The following TCFL5 variants were observed in gnomAD, a reference collection of about 807,000 sequenced individuals.
The protein encoded by TCFL5 is transcription factor-like 5 protein.
Under a neutral mutation model 44.3 loss-of-function variants are expected in TCFL5, and 9 were observed. The observed-to-expected ratio is 0.20, with a 90% CI of 0.12 to 0.35. TCFL5 has a LOEUF of 0.35. Among genes scored for constraint, TCFL5 ranks in the 10% least tolerant of loss-of-function variants. TCFL5 has a pLI of 1.00. For synonymous variants in TCFL5, 319 were observed against 271.6 expected (o/e 1.17, Z -1.72); for missense variants, 603 against 613.4 (o/e 0.98, Z 0.18).
chr20:62,846,220 C>A (rs985034163), intron 5 of TCFL5: 7 of 720,888 alleles, frequency 9.7e-6, no homozygotes, highest in African/African-American at 9.4e-5. Flanking sequence ...CATAACTAGG[C>A]GCTCGCAAGA....
At position 62,857,500 on chromosome 20, in the gene TCFL5, G is replaced by A. The variant is rs942269026; in HGVS notation, c.1133C>T (p.Ser378Phe). Residue 378 changes from serine to phenylalanine, a missense_variant, in exon 4 of 6, where the codon TCC becomes TTC. Around this residue, in one of 4 missense-constraint regions of TCFL5, gnomAD observed 540 missense variants for 478.7 expected, o/e 1.13. Transcript: ENST00000335351. ...CAGGTTTGCCTGTGAGGACTCCGAG[G>A]ACTGCCAAGCGCCTTGTGTGGCGGT... is the stretch of plus-strand genomic sequence containing the variant. ...GATATQGAWQ[S>F]SESSQANLGE... 1.9e-6 allele frequency: 3 copies of A among 1,614,128 alleles called. No individual in the cohort carries two copies. Among genetic ancestry groups the A allele is most frequent in the African/African-American group, 1.3e-5 (1 of 74,940 alleles).
At chr20:62,844,582 G>GTTTTTTTTTTTTT (rs745684819) in intron 5 of TCFL5, among the ~76,000 whole-genome samples, 6 of 120,558 alleles carry the variant, frequency 5.0e-5, no homozygotes, top group African/African-American at 2.2e-4. Context: ...TTTGTTTTTT[G>GTTTTTTTTTTTTT]TTTTTTTTTT....
In TCFL5 at chr20:62,860,214, C is replaced by G. The variant is rs753236418; in HGVS notation, c.742G>C (p.Ala248Pro). The G allele has an allele frequency of 1.9e-6, 3 of 1,613,800 alleles. No individual in the cohort carries two copies. The South Asian group carries it at 3.3e-5, about 18-fold the overall frequency. The change falls in exon 2 of 6, where the codon GCT becomes CCT. Residue 248 changes from alanine (A) to proline (P), a missense_variant. Ala to Pro is a conservative substitution (Grantham distance 27, BLOSUM62 -1). Transcript: ENST00000335351. ...CTALVKNKTA[A>P]TTTALQFTYP... ...GTAAATTGCAAAGCAGTAGTTGTAG[C>G]CGCAGTTTTATTTTTCACTAATGCT...
chr20:62,851,706 A>T (rs2063812518), intron 5 of TCFL5: 1 of 985,254 alleles, frequency 1.0e-6, no homozygotes, highest in Admixed American at 6.1e-5. Flanking sequence ...GACACAGAAA[A>T]GGGACAGAGA....
chr20:62,854,900 T>C (rs1654478824), intron 4 of TCFL5, among the ~76,000 whole-genome samples: 1 of 152,212 alleles, frequency 6.6e-6, no homozygotes. Context: ...CTAGGTGCTT[T>C]TGGACTTCTA....
intron 5 of TCFL5, among the ~76,000 whole-genome samples, chr20:62,844,589 T>TTTG (rs2063718843): frequency 6.6e-6 from 1 of 150,728 alleles, no homozygotes; most frequent in African/African-American, 2.5e-5. Context: ...TTTGTTTTTT[T>TTTG]TTTTTTGAGA....
intron 1 of TCFL5, among the ~76,000 whole-genome samples, chr20:62,860,714 G>C (rs1050375620): frequency 1.3e-5 from 2 of 152,322 alleles, no homozygotes; most frequent in Admixed American, 1.3e-4. Context: ...GCCTTCCTAG[G>C]CTTCCCTGAC....
intron 5 of TCFL5, among the ~76,000 whole-genome samples, chr20:62,848,197 G>A (rs549438620): frequency 1.3e-5 from 2 of 152,308 alleles, no homozygotes; most frequent in South Asian, 2.1e-4. Context: ...GATGCGAAGC[G>A]GGACTCAACC....
chr20:62,847,646 C>T (rs1442805540), intron 5 of TCFL5, among the ~76,000 whole-genome samples: 2 of 152,228 alleles, frequency 1.3e-5, no homozygotes, highest in Non-Finnish European at 2.9e-5. Context: ...CATTCTGCCA[C>T]GAACAAGCTA....
chr20:62,857,339 T>C (rs6011423), intron 4 of TCFL5, 56 bp downstream of exon 4: 5 of 1,597,472 alleles, frequency 3.1e-6, no homozygotes, highest in Non-Finnish European at 4.3e-6. Context: ...GTGATAACCA[T>C]GTATGACTAA....
At chr20:62,852,534 G>A in intron 5 of TCFL5, 3 of 985,478 alleles carry the variant, frequency 3.0e-6, no homozygotes, top group Non-Finnish European at 3.6e-6. Flanking sequence ...GCTTGCTGCA[G>A]GCCACTGCCA....
chr20:62,842,036 G>A lies in TCFL5; in HGVS notation c.1442C>T (p.Ser481Phe), dbSNP rs201348130. 8.2e-5 allele frequency: 132 copies of A among 1,614,240 alleles called. No individual in the cohort carries two copies. The highest frequency in any genetic ancestry group is 1.1e-4 in the Non-Finnish European group (131 of 1,180,042). The change falls in exon 6 of 6, where the codon TCC becomes TTC. Residue 481 changes from serine (S) to phenylalanine (F), a missense_variant. Ser to Phe is a radical substitution (Grantham distance 155). Transcript: ENST00000335351. The surrounding 1 kb of genome is among the most constrained non-coding windows in gnomAD (Gnocchi z 4.3). The stretch of plus-strand genomic sequence containing the variant: ...CCCCTGTGCAGGACAGGTCACCAAG[G>A]AGTCCGGTCTGGTCAGCTTTAGCCT... Reference protein sequence around the residue: ...GRRLKLTRPDSLVTCPAQGSL... With the variant: ...GRRLKLTRPDFLVTCPAQGSL...
intron 3 of TCFL5, 48 bp from the exon 4 acceptor site, chr20:62,857,686 C>T: frequency 6.3e-7 from 1 of 1,590,896 alleles, no homozygotes; most frequent in Non-Finnish European, 8.6e-7. Context: ...ATTCTTATCT[C>T]AATTAATGCT....
Position 62,857,517 on chromosome 20 carries a change from T to C in TCFL5, c.1116A>G (p.Thr372=), listed in dbSNP as rs1354241127. 1 of 1,614,142 alleles carries C rather than the reference T, an allele frequency of 6.2e-7. No homozygotes were observed. Among genetic ancestry groups the C allele is most frequent in the Non-Finnish European group, 8.5e-7 (1 of 1,180,064 alleles). The change falls in exon 4 of 6, where the codon ACA becomes ACG. Residue 372 remains threonine, a synonymous_variant. Coordinates refer to ENST00000335351, the MANE Select transcript of TCFL5 (RefSeq NM_006602.4). The part of the protein sequence containing the change: ...IQNVGEGATA[T]QGAWQSSESS... Reference sequence around the variant, plus strand: ...ACTCCGAGGACTGCCAAGCGCCTTGTGTGGCGGTGGCACCTTCGCCCACAT... The same window carrying C: ...ACTCCGAGGACTGCCAAGCGCCTTGCGTGGCGGTGGCACCTTCGCCCACAT...
Position 62,861,079 on chromosome 20 carries a change from G to A in TCFL5, c.592C>T (p.Pro198Ser). The A allele has an allele frequency of 3.0e-6, 3 of 996,436 alleles. No homozygotes were observed. The highest frequency in any genetic ancestry group is 3.6e-6 in the Non-Finnish European group (3 of 838,984). 61.7% of individuals were successfully genotyped at this position (996,436 alleles called of 1,614,324 possible). Residue 198 changes from proline to serine, a missense_variant, in exon 1 of 6, where the codon CCG becomes TCG. Around this residue, in one of 4 missense-constraint regions of TCFL5, gnomAD observed 540 missense variants for 478.7 expected, o/e 1.13. Transcript: ENST00000335351. This position sits in a 1 kb window ranked among gnomAD's most constrained non-coding sequence, Gnocchi z 4.0. ...TCGGGGCCGCGCGGCGCGGGCGGCG[G>A]CTCGGCGGGGATGCTGTTGAAGCGG... The part of the protein sequence containing the change: ...EDRFNSIPAE[P>S]PPAPRGPEPP...
chr20:62,845,641 C>G, intron 5 of TCFL5: 1 of 1,603,978 alleles, frequency 6.2e-7, no homozygotes, highest in South Asian at 1.1e-5. Flanking sequence ...GGGGCGTCAC[C>G]CCTTCAGCAA....
intron 5 of TCFL5, chr20:62,852,868 A>G (rs776286312): frequency 4.5e-5 from 58 of 1,289,398 alleles, no homozygotes; most frequent in Non-Finnish European, 5.7e-5. Context: ...CACCCAGTCC[A>G]TGGAAGTATA....
intron 4 of TCFL5, among the ~76,000 whole-genome samples, chr20:62,856,546 A>C (rs541396797): frequency 6.6e-6 from 1 of 151,940 alleles, no homozygotes; most frequent in Admixed American, 6.6e-5. Flanking sequence ...CTACTAAAAA[A>C]TACAAAAAAA....
At chr20:62,852,445 C>T (rs1173356871) in intron 5 of TCFL5, 2 of 985,362 alleles carry the variant, frequency 2.0e-6, no homozygotes, top group African/African-American at 1.7e-5. Flanking sequence ...TGACTGACAC[C>T]TTCTTCCTTT....
Sources: allele counts gnomAD v4.1 joint callset (sites outside exome capture counted in the v4.1 genomes callset), GRCh38; gene constraint gnomAD v4.1.1; regional missense constraint gnomAD v4.1.1; non-coding constraint Gnocchi (gnomAD v3.1); transcripts MANE v1.5; gene names NCBI Gene and HGNC (gene_info 2026-07-23, HGNC 2026-07-21).